The following PSPC1 variants were observed in gnomAD, a reference collection of about 807,000 sequenced individuals.
PSPC1 encodes paraspeckle protein 1.
PSPC1 carries 14 observed loss-of-function variants against 51.6 expected under a neutral mutation model. The observed-to-expected ratio is 0.27, with a 90% CI of 0.18 to 0.42. The LOEUF (loss-of-function observed/expected upper bound fraction) is 0.42, where lower values mean the gene tolerates loss of function less well. Among genes scored for constraint, PSPC1 ranks in the 10% least tolerant of loss-of-function variants. The pLI is 1.00. For missense variants in PSPC1, 406 were observed against 701.1 expected (o/e 0.58, Z 4.75); for synonymous variants, 193 against 231.9 (o/e 0.83, Z 1.53).
At chr13:19,747,214 G>A (rs1372919602) in intron 4 of PSPC1, among the ~76,000 whole-genome samples, 3 of 152,140 alleles carry the variant, frequency 2.0e-5, no homozygotes, top group Non-Finnish European at 4.4e-5. Flanking sequence ...AATTGTTATC[G>A]AAAGAGGATG....
At chr13:19,703,393 A>G (rs1880211459) in intron 8 of PSPC1, 33 bp from the exon 9 acceptor site, 2 of 1,504,906 alleles carry the variant, frequency 1.3e-6, no homozygotes, top group Non-Finnish European at 9.1e-7. Flanking sequence ...ATAGAATATG[A>G]AGTCCATTTG....
At chr13:19,772,781 C>G (rs1467101658) in intron 1 of PSPC1, among the ~76,000 whole-genome samples, 1 of 152,160 alleles carries the variant, frequency 6.6e-6, no homozygotes, top group African/African-American at 2.4e-5. Context: ...TAAAGATTAG[C>G]TCTTCATAAG....
Position 19,776,109 on chromosome 13 carries a change from A to G in PSPC1, c.373-3566T>C, listed in dbSNP as rs1889094874. On this transcript the variant is annotated intron_variant, in intron 1 of 8. Transcript: ENST00000338910. ...AAATATGAAGACATTTAATGGGGTG[A>G]TAATATGTATATTTTGATAGGGGTT... 6.6e-5 allele frequency among the ~76,000 whole-genome samples: 10 copies of G among 152,222 alleles called. No homozygotes were observed. In the South Asian group the frequency reaches 2.1e-3, roughly 32 times the overall value.
chr13:19,771,074 G>A (rs570098773), intron 2 of PSPC1, among the ~76,000 whole-genome samples: 4 of 151,962 alleles, frequency 2.6e-5, no homozygotes, highest in African/African-American at 7.2e-5. Flanking sequence ...GGACTACAGC[G>A]CAAATAGCTG....
chr13:19,707,920 TA>T (rs933278293), intron 7 of PSPC1, among the ~76,000 whole-genome samples: 1 of 150,434 alleles, frequency 6.6e-6, no homozygotes, highest in Non-Finnish European at 1.5e-5. Flanking sequence ...CATTTACTCT[TA>T]AAAAAAGACA....
At chr13:19,730,957 C>CAAAAAAAAAAAAAAAAAAAAAAA (rs1483772556) in intron 5 of PSPC1, among the ~76,000 whole-genome samples, 1 of 36,956 alleles carries the variant, frequency 2.7e-5, no homozygotes, top group Non-Finnish European at 5.4e-5. Flanking sequence ...AAAAAAAAAA[C>CAAAAAAAAAAAAAAAAAAAAAAA]AAAAAAACAA....
chr13:19,682,674 G>A lies in PSPC1; in HGVS notation c.1159-4851C>T, dbSNP rs572347272. 4.6e-5 allele frequency among the ~76,000 whole-genome samples: 7 copies of A among 152,190 alleles called. No individual in the cohort carries two copies. The South Asian group carries it at 1.0e-3, about 23-fold the overall frequency. The stretch of plus-strand genomic sequence containing the variant: ...CAGTATGGAGTGTTGTCAAGGATGC[G>A]GAGGAACGGAAATCTTATACATTGT... On this transcript the variant is annotated intron_variant and NMD_transcript_variant, in intron 6 of 7. Coordinates refer to the PSPC1 transcript ENST00000471658.
In PSPC1 at chr13:19,730,233, A is replaced by G; in HGVS notation, c.1158+6T>C. 2 of 1,608,416 alleles carry G rather than the reference A, an allele frequency of 1.2e-6. No homozygotes were observed. Among genetic ancestry groups the G allele is most frequent in the Non-Finnish European group, 8.5e-7 (1 of 1,175,154 alleles). Reference sequence around the variant, plus strand: ...AATCATTTTAGTTAACTAGTAGTTTACTTACATTTTCCATGTAGTTTGGCT... The same window carrying G: ...AATCATTTTAGTTAACTAGTAGTTTGCTTACATTTTCCATGTAGTTTGGCT... On this transcript the variant is annotated splice_donor_region_variant and intron_variant, in intron 6 of 8. Transcript: ENST00000338910.
At chr13:19,744,827 T>C (rs183281764) in intron 4 of PSPC1, among the ~76,000 whole-genome samples, 2,790 of 152,290 alleles carry the variant, frequency 0.018, 40 homozygotes, top group Middle Eastern at 0.034. Context: ...CCTTCCAAAG[T>C]GCTGGGATTA....
chr13:19,736,543 T>C (rs558183812), intron 5 of PSPC1, among the ~76,000 whole-genome samples: 62 of 151,642 alleles, frequency 4.1e-4, no homozygotes, highest in Admixed American at 3.9e-4. Context: ...ATTAGCCAGG[T>C]GTGGTGACAG....
Position 19,768,901 on chromosome 13 carries a change from G to T in PSPC1, c.674+3341C>A, listed in dbSNP as rs573033096. On this transcript the variant is annotated intron_variant, in intron 2 of 8. Coordinates refer to ENST00000338910, the MANE Select transcript of PSPC1 (RefSeq NM_001354909.2). ...TGTAATCCCAGCGCTTAGGGAAACC[G>T]AAGCAGGTGGATCACTTGAGGCCAG... Among the ~76,000 whole-genome samples the T allele has an allele frequency of 1.5e-4, 22 of 149,976 alleles. 1 individual carries two copies. Among genetic ancestry groups the T allele is most frequent in the African/African-American group, 5.2e-4 (21 of 40,460 alleles).
chr13:19,769,457 A>G (rs996143988), intron 2 of PSPC1, among the ~76,000 whole-genome samples: 3 of 152,228 alleles, frequency 2.0e-5, no homozygotes, highest in Non-Finnish European at 2.9e-5. Flanking sequence ...CGGGAGGCTG[A>G]GGCAGGAGAA....
chr13:19,734,743 A>T (rs1324061697), intron 5 of PSPC1, among the ~76,000 whole-genome samples: 2 of 152,130 alleles, frequency 1.3e-5, no homozygotes. Context: ...CAGAGGTTAC[A>T]GTGAGTCAAG....
chr13:19,720,948 C>A, intron 6 of PSPC1, among the ~76,000 whole-genome samples: 1 of 152,130 alleles, frequency 6.6e-6, no homozygotes, highest in East Asian at 1.9e-4. Context: ...AATTACCAAT[C>A]TAACTCATAA....
At chr13:19,745,793 G>A (rs1885913499) in intron 4 of PSPC1, among the ~76,000 whole-genome samples, 2 of 151,684 alleles carry the variant, frequency 1.3e-5, no homozygotes, top group Admixed American at 6.6e-5. Context: ...CTAATTTTTC[G>A]TATTTCCAAT....
chr13:19,725,104 G>A (rs142025139), intron 6 of PSPC1, among the ~76,000 whole-genome samples: 2 of 152,320 alleles, frequency 1.3e-5, no homozygotes, highest in African/African-American at 4.8e-5. Context: ...TTGCACCTGG[G>A]AGGCAGAGGT....
rs555979295 is a variant in PSPC1, at chr13:19,733,093, C to G, written c.1053-2749G>C. ...TTTCCAGTAAACAGAAATGTACGCACAAATGTGCAGGGACATATGTATACA... is the reference window on the plus strand; with the variant it reads ...TTTCCAGTAAACAGAAATGTACGCAGAAATGTGCAGGGACATATGTATACA... On this transcript the variant is annotated intron_variant, in intron 5 of 8. Transcript: ENST00000338910. 5.3e-5 allele frequency among the ~76,000 whole-genome samples: 8 copies of G among 152,226 alleles called. 1 individual carries two copies. The highest frequency in any genetic ancestry group is 1.9e-4 in the African/African-American group (8 of 41,540).
chr13:19,726,128 C>T (rs1883335192), intron 6 of PSPC1, among the ~76,000 whole-genome samples: 1 of 152,116 alleles, frequency 6.6e-6, no homozygotes, highest in South Asian at 2.1e-4. Context: ...TCAATAGCCA[C>T]TGCACTCCAG....
At chr13:19,682,203 G>A (rs766825940) in intron 6 of PSPC1, among the ~76,000 whole-genome samples, 1 of 152,084 alleles carries the variant, frequency 6.6e-6, no homozygotes, top group South Asian at 2.1e-4. Context: ...ACAACTAGAT[G>A]ATGTTTTAAT....
Sources: gnomAD v4.1 joint callset for allele counts (sites outside exome capture counted in the v4.1 genomes callset) on GRCh38, gnomAD v4.1.1 for gene constraint, MANE v1.5 for transcripts, NCBI Gene and HGNC (gene_info 2026-07-23, HGNC 2026-07-21) for gene names.